Variants in KCTD13 observed in about 807,000 individuals in gnomAD.
The protein encoded by KCTD13 is potassium channel tetramerization domain containing 13.
Under a neutral mutation model 32.3 loss-of-function variants are expected in KCTD13, and 15 were observed. That is an observed-to-expected ratio of 0.46 (90% CI 0.31 to 0.71). The LOEUF (loss-of-function observed/expected upper bound fraction) is 0.71, where lower values mean the gene tolerates loss of function less well. Among genes scored for constraint, KCTD13 ranks in the 30% least tolerant of loss-of-function variants. The pLI is 0.05. For missense variants in KCTD13, 337 were observed against 452.6 expected, an observed-to-expected ratio of 0.74 and a Z score of 2.32; for synonymous variants, 189 against 200.1, an observed-to-expected ratio of 0.94 and a Z score of 0.47.
chr16:29,919,401 T>C (rs1004902526), intron 2 of KCTD13: 4 of 152,252 alleles, frequency 2.6e-5, no homozygotes, highest in African/African-American at 9.6e-5. Flanking sequence ...GGCAGTTACC[T>C]ATCAATGATA....
chr16:29,923,758 G>A (rs1252149663), intron 1 of KCTD13, among the ~76,000 whole-genome samples: 3 of 152,032 alleles, frequency 2.0e-5, no homozygotes, highest in Non-Finnish European at 4.4e-5. Context: ...GGGGGGCGAG[G>A]CAGGAGAATC....
intron 2 of KCTD13, chr16:29,922,954 C>T (rs2068937410): frequency 4.0e-6 from 2 of 506,324 alleles, no homozygotes; most frequent in Non-Finnish European, 7.0e-6. Flanking sequence ...TGCATAGGAA[C>T]AGTGGGAAGT....
In KCTD13 at chr16:29,906,539, G is replaced by A; in HGVS notation, c.*333C>T. 1 of 491,558 alleles carries A rather than the reference G, an allele frequency of 2.0e-6. No homozygotes were observed. Among genetic ancestry groups the A allele is most frequent in the Non-Finnish European group, 4.0e-6 (1 of 250,192 alleles). 30.4% of individuals were successfully genotyped at this position (491,558 alleles called of 1,614,324 possible). ...CTCAGACTGTGGTGATGTCAGGAAG[G>A]GCCGCACACTTTGGCATGGACGATG... On this transcript the variant is annotated 3_prime_UTR_variant, in exon 6 of 6. Coordinates refer to ENST00000568000, the MANE Select transcript of KCTD13 (RefSeq NM_178863.5).
intron 2 of KCTD13, among the ~76,000 whole-genome samples, chr16:29,912,703 G>T (rs2068737830): frequency 1.3e-5 from 2 of 152,224 alleles, no homozygotes; most frequent in South Asian, 4.1e-4. Flanking sequence ...GCCTCCCAAA[G>T]TGCTGGGATT....
chr16:29,910,873 C>T (rs2068694633), intron 5 of KCTD13, 105 bp downstream of exon 5: 3 of 1,023,696 alleles, frequency 2.9e-6, no homozygotes, highest in Non-Finnish European at 4.3e-6. Flanking sequence ...GGATCTGGCT[C>T]CTGCCTCCTG....
At chr16:29,917,895 C>A (rs1259405526) in intron 2 of KCTD13, among the ~76,000 whole-genome samples, 1 of 152,110 alleles carries the variant, frequency 6.6e-6, no homozygotes, top group Non-Finnish European at 1.5e-5. Context: ...TTGCAGTGAG[C>A]CGAGATGACA....
chr16:29,924,822 G>C (rs1227751218), intron 1 of KCTD13, among the ~76,000 whole-genome samples: 1 of 151,058 alleles, frequency 6.6e-6, no homozygotes, highest in Admixed American at 6.6e-5. Context: ...AGGTTCAAGC[G>C]ATTCTCCTGT....
chr16:29,910,852 C>A (rs558550605), intron 5 of KCTD13, 126 bp downstream of exon 5: 1 of 812,936 alleles, frequency 1.2e-6, no homozygotes, highest in African/African-American at 1.7e-5. Context: ...TGTTGTGCAC[C>A]CCAGACCCCA....
In KCTD13 at chr16:29,923,341, CG is replaced by C. The variant is rs753106480; in HGVS notation, c.262del (p.Arg88GlyfsTer42). 1 of 1,613,936 alleles carries C rather than the reference CG, an allele frequency of 6.2e-7. No individual in the cohort carries two copies. The highest frequency in any genetic ancestry group is 1.1e-5 in the South Asian group (1 of 91,074). ...GATTGTACCAAAGTGACGGCCGCTC[CG>C]GTCAATCAGCACCCAACCTAGTGGG... ...TDAGGWVLID[R>X]SGRHFGTILN... On this transcript the variant is annotated frameshift_variant, in exon 2 of 6. Coordinates refer to ENST00000568000, the MANE Select transcript of KCTD13 (RefSeq NM_178863.5). LOFTEE classifies it high-confidence loss of function.
intron 2 of KCTD13, 121 bp downstream of exon 2, chr16:29,923,069 G>C (rs1397537972): frequency 1.8e-6 from 2 of 1,109,620 alleles, no homozygotes; most frequent in African/African-American, 3.1e-5. Context: ...AATTCTCTGG[G>C]GTTATGGCCA....
At chr16:29,923,731 G>C (rs7184288) in intron 1 of KCTD13, among the ~76,000 whole-genome samples, 94,265 of 151,334 alleles carry the variant, frequency 0.62, 30,127 homozygotes, top group African/African-American at 0.75. Context: ...CTTGGTGGCT[G>C]GTGCCAGCTA....
intron 2 of KCTD13, among the ~76,000 whole-genome samples, chr16:29,918,634 C>G (rs1043950123): frequency 6.6e-6 from 1 of 151,602 alleles, no homozygotes; most frequent in African/African-American, 2.4e-5. Context: ...CCACTCCCAG[C>G]TAATTTTTGT....
intron 1 of KCTD13, 148 bp from the exon 2 acceptor site, chr16:29,923,507 T>G: frequency 1.5e-6 from 1 of 653,384 alleles, no homozygotes; most frequent in Non-Finnish European, 2.6e-6. Context: ...TCCTCCCATC[T>G]CGGCCTCCCA....
chr16:29,906,754 G>T lies in KCTD13; in HGVS notation c.*118C>A. The T allele has an allele frequency of 1.3e-6, 1 of 798,594 alleles. No homozygotes were observed. Among genetic ancestry groups the T allele is most frequent in the Non-Finnish European group, 2.1e-6 (1 of 483,470 alleles). 49.5% of individuals were successfully genotyped at this position (798,594 alleles called of 1,614,324 possible). On this transcript the variant is annotated 3_prime_UTR_variant, in exon 6 of 6. Coordinates refer to ENST00000568000, the MANE Select transcript of KCTD13 (RefSeq NM_178863.5). ...AAAGTGAGCTGTGCCATGCAATGAA[G>T]GGACAGAGGAGGACCCACGACTTGG...
chr16:29,910,738 C>T (rs998695343), intron 5 of KCTD13, among the ~76,000 whole-genome samples: 2 of 152,166 alleles, frequency 1.3e-5, no homozygotes, highest in Non-Finnish European at 2.9e-5. Flanking sequence ...TTGCAAACAG[C>T]CTTGAAACCC....
chr16:29,913,254 A>C (rs2068748478), intron 2 of KCTD13: 1 of 151,986 alleles, frequency 6.6e-6, no homozygotes, highest in Non-Finnish European at 1.5e-5. Flanking sequence ...TCAGTTTTTA[A>C]AAATAAGAGC....
rs565409911 is a variant in KCTD13 at position 29,923,779 on chromosome 16, G to A, written c.245-420C>T. ...CGAGGCAGGAGAATCGCTTGAAGCC[G>A]GGAGGTGGAGTTTGCAGTGAGCCGA... On this transcript the variant is annotated intron_variant, in intron 1 of 5. Coordinates refer to ENST00000568000, the MANE Select transcript of KCTD13 (RefSeq NM_178863.5). Among the ~76,000 whole-genome samples, 30 of 152,086 alleles carry A rather than the reference G, an allele frequency of 2.0e-4. No individual in the cohort carries two copies. In the East Asian group the frequency reaches 3.9e-3, roughly 20 times the overall value.
intron 2 of KCTD13, among the ~76,000 whole-genome samples, chr16:29,912,827 A>C (rs1453433639): frequency 6.6e-6 from 1 of 152,250 alleles, no homozygotes; most frequent in African/African-American, 2.4e-5. Context: ...CCACCTAGGA[A>C]TAACTACCTA....
chr16:29,926,219 G>A lies in KCTD13; in HGVS notation c.-186C>T. On this transcript the variant is annotated 5_prime_UTR_variant, in exon 1 of 6. Coordinates refer to ENST00000568000, the MANE Select transcript of KCTD13 (RefSeq NM_178863.5). Reference sequence around the variant, plus strand: ...CTCGCACCACCCGGAAGCCGGCGCCGGGCAGCTGCGCAGGCGCGGCCCCGC... The same window carrying A: ...CTCGCACCACCCGGAAGCCGGCGCCAGGCAGCTGCGCAGGCGCGGCCCCGC... The A allele has an allele frequency of 1.6e-6, 1 of 610,182 alleles. No individual in the cohort carries two copies. Among genetic ancestry groups the A allele is most frequent in the South Asian group, 3.4e-5 (1 of 29,298 alleles). The allele number at this position is 610,182 out of a possible 1,614,324, so 37.8% of individuals were successfully genotyped here. A position where few individuals can be genotyped will look rare whatever the true frequency, so the allele number is the denominator to read the frequency against.
Sources: gnomAD v4.1 joint callset for allele counts (sites outside exome capture counted in the v4.1 genomes callset) on GRCh38, gnomAD v4.1.1 for gene constraint, MANE v1.5 for transcripts, NCBI Gene and HGNC (gene_info 2026-07-23, HGNC 2026-07-21) for gene names.